The following L3MBTL4 variants were observed in gnomAD, a reference collection of about 807,000 sequenced individuals.
L3MBTL4 encodes lethal(3)malignant brain tumor-like protein 4.
A neutral mutation model predicts 84.5 loss-of-function variants in L3MBTL4; 70 were observed. That is an observed-to-expected ratio of 0.83 (90% confidence interval 0.68 to 1.01). L3MBTL4 has a LOEUF of 1.01. Ranked by LOEUF, L3MBTL4 falls within the 50% of genes least tolerant of loss-of-function variation. The pLI is 0.00. For synonymous variants in L3MBTL4, 274 were observed against 259.8 expected (o/e 1.05, Z -0.52); for missense variants, 715 against 754.8 (o/e 0.95, Z 0.62).
intron 1 of L3MBTL4, among the ~76,000 whole-genome samples, chr18:6,343,339 A>G (rs1011406316): frequency 2.0e-5 from 3 of 152,228 alleles, no homozygotes; most frequent in Admixed American, 1.3e-4. Context: ...ATAATATGTT[A>G]GGACACAAGA....
At chr18:6,301,877 C>T (rs2050353992) in intron 4 of L3MBTL4, 26 bp downstream of exon 4, 2 of 1,572,066 alleles carry the variant, frequency 1.3e-6, no homozygotes, top group African/African-American at 1.3e-5. Flanking sequence ...CTGTGAACTA[C>T]CACTGTAAAT....
At chr18:6,004,685 T>G (rs994950395) in intron 16 of L3MBTL4, among the ~76,000 whole-genome samples, 1 of 149,500 alleles carries the variant, frequency 6.7e-6, no homozygotes, top group Admixed American at 6.6e-5. Flanking sequence ...TAAAAAGGAA[T>G]GAAATTCCAA....
rs1361298670 is a variant in L3MBTL4, at chr18:6,155,838, T to C, written c.1096+15990A>G. Among the ~76,000 whole-genome samples, 9 of 152,324 alleles carry C rather than the reference T, an allele frequency of 5.9e-5. No homozygotes were observed. In the South Asian group the frequency reaches 1.9e-3, roughly 32 times the overall value. ...GAAATGAAAAAAATCATAATCTTTATACAGCTCTCTTTCAGAATGCAAATA... is the reference window on the plus strand; with the variant it reads ...GAAATGAAAAAAATCATAATCTTTACACAGCTCTCTTTCAGAATGCAAATA... On this transcript the variant is annotated intron_variant, in intron 13 of 18. Coordinates refer to ENST00000317931, the MANE Select transcript of L3MBTL4 (RefSeq NM_001330559.2).
intron 3 of L3MBTL4, among the ~76,000 whole-genome samples, chr18:6,310,120 T>A (rs1188478884): frequency 6.6e-6 from 1 of 152,206 alleles, no homozygotes; most frequent in Admixed American, 6.5e-5. Flanking sequence ...TGTGGAGAAG[T>A]ACCCAGAATA....
intron 13 of L3MBTL4, among the ~76,000 whole-genome samples, chr18:6,160,094 C>G (rs1052096381): frequency 3.3e-5 from 5 of 152,198 alleles, no homozygotes; most frequent in Admixed American, 6.5e-5. Flanking sequence ...TGCTGGTGGA[C>G]TGGCACATTC....
At position 6,244,581 on chromosome 18, in the gene L3MBTL4, G is replaced by T. The variant is rs748887864; in HGVS notation, c.227C>A (p.Ser76Tyr). The T allele has an allele frequency of 1.9e-6, 3 of 1,608,952 alleles. No homozygotes were observed. Among genetic ancestry groups the T allele is most frequent in the East Asian group, 4.5e-5 (2 of 44,844 alleles). The change falls in exon 6 of 19, where the codon TCC (serine) becomes TAC (tyrosine). Residue 76 changes from serine (S) to tyrosine (Y), a missense_variant. Coordinates refer to ENST00000317931, the MANE Select transcript of L3MBTL4 (RefSeq NM_001330559.2). ...APVELFSKDQ[S>Y]FPEHENGFQI... Reference sequence around the variant, plus strand: ...AAAACCATTTTCATGCTCTGGAAAGGACTGATCCTACAAAATTTCACGACA... The same window carrying T: ...AAAACCATTTTCATGCTCTGGAAAGTACTGATCCTACAAAATTTCACGACA...
At chr18:6,105,163 T>C (rs1230538521) in intron 14 of L3MBTL4, among the ~76,000 whole-genome samples, 1 of 151,184 alleles carries the variant, frequency 6.6e-6, no homozygotes, top group Admixed American at 6.6e-5. Flanking sequence ...TTCAAGTATA[T>C]GTTGTTGAGA....
chr18:6,219,676 T>C (rs2046468528), intron 10 of L3MBTL4, among the ~76,000 whole-genome samples: 1 of 151,668 alleles, frequency 6.6e-6, no homozygotes, highest in African/African-American at 2.4e-5. Flanking sequence ...ATATCTTCAG[T>C]TAATGATGAA....
chr18:6,103,974 CACA>C (rs1485555808), intron 14 of L3MBTL4, among the ~76,000 whole-genome samples: 5 of 152,162 alleles, frequency 3.3e-5, no homozygotes, highest in Non-Finnish European at 7.4e-5. Context: ...CTGCCCTCCC[CACA>C]ACAAGCCATG....
intron 16 of L3MBTL4, among the ~76,000 whole-genome samples, chr18:6,057,654 T>C (rs2057072996): frequency 6.6e-6 from 1 of 152,018 alleles, no homozygotes. Context: ...AACTAAAAAG[T>C]ATTCAAAAAA....
At chr18:6,043,896 C>G (rs113531816) in intron 16 of L3MBTL4, among the ~76,000 whole-genome samples, 35 of 152,246 alleles carry the variant, frequency 2.3e-4, no homozygotes, top group African/African-American at 7.9e-4. Context: ...CAGGATTTTC[C>G]AAAGCTTTTC....
intron 15 of L3MBTL4, among the ~76,000 whole-genome samples, chr18:6,093,149 T>C (rs2058514467): frequency 6.6e-6 from 1 of 152,230 alleles, no homozygotes; most frequent in Non-Finnish European, 1.5e-5. Flanking sequence ...TAAATTCAAA[T>C]ATTTAAGGAT....
chr18:6,041,693 C>G (rs2056408482), intron 16 of L3MBTL4, among the ~76,000 whole-genome samples: 1 of 152,108 alleles, frequency 6.6e-6, no homozygotes, highest in South Asian at 2.1e-4. Flanking sequence ...TTTGGTTTAC[C>G]TGCTTTTCTA....
chr18:6,208,323 C>T (rs1306530932), intron 12 of L3MBTL4, among the ~76,000 whole-genome samples: 2 of 152,040 alleles, frequency 1.3e-5, no homozygotes, highest in South Asian at 2.1e-4. Flanking sequence ...TGACATAAAA[C>T]CCAAAATAGT....
At chr18:6,030,306 G>A (rs556406996) in intron 16 of L3MBTL4, 12 of 985,154 alleles carry the variant, frequency 1.2e-5, no homozygotes, top group Non-Finnish European at 1.4e-5. Flanking sequence ...TCAATAATAT[G>A]CTTTTAAGCC....
intron 4 of L3MBTL4, among the ~76,000 whole-genome samples, chr18:6,282,877 C>T (rs2049385233): frequency 6.6e-6 from 1 of 152,068 alleles, no homozygotes; most frequent in South Asian, 2.1e-4. Context: ...AGAAATGTTC[C>T]AGAAACAGAA....
chr18:6,142,940 G>T (rs1182665996), intron 13 of L3MBTL4, among the ~76,000 whole-genome samples: 1 of 152,014 alleles, frequency 6.6e-6, no homozygotes, highest in Non-Finnish European at 1.5e-5. Context: ...GTGTCATTCA[G>T]TAAATAAAAG....
At chr18:6,220,009 T>A (rs1373736119) in intron 10 of L3MBTL4, among the ~76,000 whole-genome samples, 1 of 151,960 alleles carries the variant, frequency 6.6e-6, no homozygotes, top group Non-Finnish European at 1.5e-5. Flanking sequence ...AAGACCAGCC[T>A]AGGAACATAA....
At chr18:6,223,038 T>C (rs942973782) in intron 10 of L3MBTL4, among the ~76,000 whole-genome samples, 9 of 151,534 alleles carry the variant, frequency 5.9e-5, no homozygotes, top group African/African-American at 2.2e-4. Flanking sequence ...AAATATTAAT[T>C]TGCAAAGCTA....
Sources: allele counts gnomAD v4.1 joint callset (sites outside exome capture counted in the v4.1 genomes callset), GRCh38; gene constraint gnomAD v4.1.1; transcripts MANE v1.5; gene names NCBI Gene and HGNC (gene_info 2026-07-23, HGNC 2026-07-21).